INPP4B: variants seen among roughly 807,000 people sequenced by gnomAD.
The protein encoded by INPP4B is inositol polyphosphate-4-phosphatase type II B.
A neutral mutation model predicts 122.5 loss-of-function variants in INPP4B; 55 were observed. That is an observed-to-expected ratio of 0.45 (90% confidence interval 0.36 to 0.56). The LOEUF (loss-of-function observed/expected upper bound fraction) is 0.56, where lower values mean the gene tolerates loss of function less well. INPP4B is among the 20% of genes least tolerant of loss of function. The pLI is 0.00. For synonymous variants in INPP4B, 403 were observed against 388.7 expected (o/e 1.04, Z -0.43); for missense variants, 1,000 against 1,097.7 (o/e 0.91, Z 1.26).
chr4:142,700,291 T>C (rs982749080), intron 2 of INPP4B, among the ~76,000 whole-genome samples: 3 of 152,320 alleles, frequency 2.0e-5, no homozygotes, highest in East Asian at 3.9e-4. Context: ...TTTTTATTAT[T>C]TACAATGAAG....
At chr4:142,061,487 A>C (rs1279545420) in intron 25 of INPP4B, among the ~76,000 whole-genome samples, 2 of 152,188 alleles carry the variant, frequency 1.3e-5, no homozygotes, top group Non-Finnish European at 2.9e-5. Flanking sequence ...AACTTGTGAC[A>C]TTTTATTACC....
intron 2 of INPP4B, among the ~76,000 whole-genome samples, chr4:142,704,315 C>A (rs1444629677): frequency 6.6e-6 from 1 of 152,160 alleles, no homozygotes; most frequent in African/African-American, 2.4e-5. Flanking sequence ...TAAAGAACTT[C>A]TGCCACAAGA....
intron 7 of INPP4B, among the ~76,000 whole-genome samples, chr4:142,345,804 T>C (rs1026078494): frequency 1.3e-5 from 2 of 152,084 alleles, no homozygotes; most frequent in East Asian, 3.9e-4. Context: ...AGAGGGTTTA[T>C]GCTTACATGC....
rs964146196 is a variant in INPP4B, at chr4:142,661,460, T to C, written c.-191+64379A>G. ...ATTAAATAGGTTCCTGATACTAAGC[T>C]CTTAAAATGGATATAAACAAGATGT... On this transcript the variant is annotated intron_variant, in intron 2 of 25. Coordinates refer to ENST00000262992, the MANE Select transcript of INPP4B (RefSeq NM_001101669.3). 5.3e-5 allele frequency among the ~76,000 whole-genome samples: 8 copies of C among 152,200 alleles called. No individual in the cohort carries two copies. In the East Asian group the frequency reaches 1.5e-3, roughly 29 times the overall value.
intron 1 of INPP4B, among the ~76,000 whole-genome samples, chr4:142,800,535 A>G (rs577899325): frequency 1.3e-5 from 2 of 152,214 alleles, no homozygotes; most frequent in Non-Finnish European, 2.9e-5. Context: ...GCAATATTAA[A>G]GAATTTGAAT....
At chr4:142,723,557 G>A (rs1329002423) in intron 2 of INPP4B, among the ~76,000 whole-genome samples, 1 of 152,002 alleles carries the variant, frequency 6.6e-6, no homozygotes, top group Non-Finnish European at 1.5e-5. Flanking sequence ...TTGTTTAAAT[G>A]CCCTTTTTAA....
At chr4:142,059,208 T>G (rs1370664639) in intron 25 of INPP4B, among the ~76,000 whole-genome samples, 3 of 152,116 alleles carry the variant, frequency 2.0e-5, no homozygotes, top group Admixed American at 2.0e-4. Context: ...CAATAACTTT[T>G]CAAAAATAAG....
At chr4:142,529,960 G>A (rs949796569) in intron 2 of INPP4B, among the ~76,000 whole-genome samples, 5 of 152,062 alleles carry the variant, frequency 3.3e-5, no homozygotes, top group African/African-American at 7.2e-5. Context: ...TAGAAGTTAC[G>A]TATGCTACTT....
Position 142,395,648 on chromosome 4 carries a change from A to G in INPP4B, c.372+7290T>C, listed in dbSNP as rs144418192. Among the ~76,000 whole-genome samples, 313 of 152,304 alleles carry G rather than the reference A, an allele frequency of 2.1e-3. 3 individuals carry two copies. Among genetic ancestry groups the G allele is most frequent in the African/African-American group, 7.1e-3 (296 of 41,582 alleles). On this transcript the variant is annotated intron_variant, in intron 7 of 25. Transcript: ENST00000262992. ...ACTATTCACAATGGCCAAGATGTGG[A>G]GACAACCTAAACGTTCATCAGTATA...
intron 2 of INPP4B, among the ~76,000 whole-genome samples, chr4:142,612,227 C>A (rs1283534132): frequency 6.6e-6 from 1 of 152,148 alleles, no homozygotes; most frequent in African/African-American, 2.4e-5. Flanking sequence ...CTGCTTCTGC[C>A]TCTGAAGTGA....
chr4:142,097,784 T>C (rs1782629299), intron 23 of INPP4B, among the ~76,000 whole-genome samples: 1 of 152,208 alleles, frequency 6.6e-6, no homozygotes, highest in African/African-American at 2.4e-5. Context: ...ACAGAAATAG[T>C]GTTACTTTTC....
At chr4:142,840,814 C>A (rs1783388274) in intron 1 of INPP4B, among the ~76,000 whole-genome samples, 1 of 151,972 alleles carries the variant, frequency 6.6e-6, no homozygotes. Context: ...TTATTCAGAA[C>A]AACAGGTCTA....
In INPP4B at chr4:142,526,746, CT is replaced by C. The variant is rs566454730; in HGVS notation, c.-190-64021del. ...ATAGTTCTTTAGTGTTTCTCATATGCTTTTCCTTTTGCTTTATAATTTCTGT... is the reference window on the plus strand; with the variant it reads ...ATAGTTCTTTAGTGTTTCTCATATGCTTTCCTTTTGCTTTATAATTTCTGT... On this transcript the variant is annotated intron_variant, in intron 2 of 25. Coordinates refer to ENST00000262992, the MANE Select transcript of INPP4B (RefSeq NM_001101669.3). Among the ~76,000 whole-genome samples the C allele has an allele frequency of 5.0e-4, 76 of 152,142 alleles. No individual in the cohort carries two copies. The South Asian group carries it at 0.016, about 31-fold the overall frequency.
At chr4:142,455,992 TA>T (rs1192729578) in intron 3 of INPP4B, among the ~76,000 whole-genome samples, 5 of 151,526 alleles carry the variant, frequency 3.3e-5, no homozygotes, top group Admixed American at 1.3e-4. Flanking sequence ...CCATTTTTGA[TA>T]GGATTATTAG....
intron 7 of INPP4B, among the ~76,000 whole-genome samples, chr4:142,349,730 C>T (rs770859143): frequency 6.6e-6 from 1 of 151,876 alleles, no homozygotes; most frequent in Non-Finnish European, 1.5e-5. Flanking sequence ...ATATCAAGAG[C>T]TGTTCTCATA....
intron 22 of INPP4B, among the ~76,000 whole-genome samples, chr4:142,112,191 A>C (rs1294169993): frequency 6.6e-6 from 1 of 152,236 alleles, no homozygotes; most frequent in Non-Finnish European, 1.5e-5. Flanking sequence ...AGATTTAAAA[A>C]CTTGATGCTA....
chr4:142,213,141 G>C (rs1845599332), intron 12 of INPP4B, among the ~76,000 whole-genome samples: 1 of 152,162 alleles, frequency 6.6e-6, no homozygotes, highest in Non-Finnish European at 1.5e-5. Flanking sequence ...TAGGCTATCG[G>C]ATGTGGATGC....
In INPP4B at chr4:142,027,927, C is replaced by A. The variant is rs1737533914; in HGVS notation, c.*855G>T. 1 of 184,300 alleles carries A rather than the reference C, an allele frequency of 5.4e-6. No individual in the cohort carries two copies. Among genetic ancestry groups the A allele is most frequent in the Non-Finnish European group, 1.2e-5 (1 of 86,854 alleles). 11.4% of individuals were successfully genotyped at this position (184,300 alleles called of 1,614,324 possible). On this transcript the variant is annotated 3_prime_UTR_variant, in exon 26 of 26. Transcript: ENST00000262992. ...CACCAGGATGACTGCTAAGAAACAT[C>A]TCAGAGATACCTCACTGACATTCAT...
intron 1 of INPP4B, among the ~76,000 whole-genome samples, chr4:142,830,490 G>C (rs1781984822): frequency 6.6e-6 from 1 of 152,102 alleles, no homozygotes; most frequent in Non-Finnish European, 1.5e-5. Context: ...GAGAAAAGAG[G>C]CTAGCTAGAG....
Sources: allele counts gnomAD v4.1 joint callset (sites outside exome capture counted in the v4.1 genomes callset), GRCh38; gene constraint gnomAD v4.1.1; transcripts MANE v1.5; gene names NCBI Gene and HGNC (gene_info 2026-07-23, HGNC 2026-07-21).